The following KCNQ1OT1 variants were observed in gnomAD, a reference collection of about 807,000 sequenced individuals.
The protein encoded by KCNQ1OT1 is KCNQ1 opposite strand/antisense transcript 1.
At chr11:2,680,970 T>G (rs1020415139) in exon 1 of KCNQ1OT1, 2 of 398,488 alleles carry the variant, frequency 5.0e-6, no homozygotes, top group African/African-American at 4.1e-5. Context: ...TTTTCAAGAT[T>G]GCACTGACCA....
exon 1 of KCNQ1OT1, chr11:2,693,325 C>A (rs1352832189): frequency 1.8e-5 from 7 of 398,678 alleles, no homozygotes; most frequent in African/African-American, 6.2e-5. Context: ...GGCCCTCTCT[C>A]CCTGCCCTGA....
At chr11:2,625,785 G>A (rs1258262054) in exon 1 of KCNQ1OT1, 2 of 397,876 alleles carry the variant, frequency 5.0e-6, no homozygotes, top group Non-Finnish European at 8.8e-6. Context: ...TAGCCAGGAT[G>A]GTCTCAATCT....
chr11:2,665,647 C>T (rs1416302445), exon 1 of KCNQ1OT1: 2 of 397,758 alleles, frequency 5.0e-6, no homozygotes, highest in Non-Finnish European at 8.8e-6. Context: ...GCTCTCAAAG[C>T]CCTCAGTACC....
chr11:2,667,282 A>T (rs1050439681), exon 1 of KCNQ1OT1: 11 of 398,468 alleles, frequency 2.8e-5, no homozygotes, highest in Admixed American at 4.4e-5. Flanking sequence ...GGCTGCTGCT[A>T]TGGGGAGAGG....
Position 2,676,399 on chromosome 11 carries a change from A to G in KCNQ1OT1, n.23596T>C, listed in dbSNP as rs1342463569. On this transcript the variant is annotated non_coding_transcript_exon_variant, in exon 1 of 1. Transcript: ENST00000597346. This position sits in a 1 kb window ranked among gnomAD's most constrained non-coding sequence, Gnocchi z 4.2. Reference sequence around the variant, plus strand: ...AGGAGCATAGTCTCTGTGTTCAGCTAGAGATTTAGCCCAATGGGCTGGGCT... The same window carrying G: ...AGGAGCATAGTCTCTGTGTTCAGCTGGAGATTTAGCCCAATGGGCTGGGCT... 19 of 398,540 alleles carry G rather than the reference A, an allele frequency of 4.8e-5. No homozygotes were observed. Among genetic ancestry groups the G allele is most frequent in the Non-Finnish European group, 6.6e-5 (15 of 226,082 alleles). The allele number at this position is 398,540 out of a possible 1,614,324, so 24.7% of individuals were successfully genotyped here.
chr11:2,614,637 T>G, exon 1 of KCNQ1OT1: 1 of 398,526 alleles, frequency 2.5e-6, no homozygotes, highest in Non-Finnish European at 4.4e-6. Flanking sequence ...AAAAGACTAC[T>G]CTTCCCACTG....
Position 2,617,836 on chromosome 11 carries a change from G to A in KCNQ1OT1, n.82159C>T. The A allele has an allele frequency of 5.0e-6, 2 of 398,382 alleles. No homozygotes were observed. Among genetic ancestry groups the A allele is most frequent in the Non-Finnish European group, 8.9e-6 (2 of 225,966 alleles). The allele number at this position is 398,382 out of a possible 1,614,324, so 24.7% of individuals were successfully genotyped here. On this transcript the variant is annotated non_coding_transcript_exon_variant, in exon 1 of 1. Transcript: ENST00000597346. The surrounding 1 kb of genome is among the most constrained non-coding windows in gnomAD (Gnocchi z 4.6). ...TGTTTGCCATTTTTATAACTTCTTT[G>A]CAAAAATGTCTACTCAGTTCCACTG... is the stretch of plus-strand genomic sequence containing the variant.
chr11:2,674,832 TAAAAAAAAAAAAAAAAAA>T lies in KCNQ1OT1; in HGVS notation n.25145_25162del. On this transcript the variant is annotated non_coding_transcript_exon_variant, in exon 1 of 1. Transcript: ENST00000597346. This position sits in a 1 kb window ranked among gnomAD's most constrained non-coding sequence, Gnocchi z 5.9. ...GCTTGTCACCCTAATAGCTGTTTTT[TAAAAAAAAAAAAAAAAAA>T]AAAAAAAAAAGCTCACTGGGCACCT... 1 of 303,392 alleles carries T rather than the reference TAAAAAAAAAAAAAAAAAA, an allele frequency of 3.3e-6. No individual in the cohort carries two copies. Among genetic ancestry groups the T allele is most frequent in the Non-Finnish European group, 5.3e-6 (1 of 188,378 alleles). The allele number at this position is 303,392 out of a possible 1,614,324, so 18.8% of individuals were successfully genotyped here. A position where few individuals can be genotyped will look rare whatever the true frequency, so the allele number is the denominator to read the frequency against.
chr11:2,669,106 T>C lies in KCNQ1OT1; in HGVS notation n.30889A>G. 2.5e-6 allele frequency: 1 copy of C among 398,752 alleles called. No individual in the cohort carries two copies. Among genetic ancestry groups the C allele is most frequent in the South Asian group, 1.3e-4 (1 of 7,864 alleles). 24.7% of individuals were successfully genotyped at this position (398,752 alleles called of 1,614,324 possible). A position where few individuals can be genotyped will look rare whatever the true frequency, so the allele number is the denominator to read the frequency against. On this transcript the variant is annotated non_coding_transcript_exon_variant, in exon 1 of 1. Coordinates refer to ENST00000597346, the Ensembl canonical transcript of KCNQ1OT1. This position sits in a 1 kb window ranked among gnomAD's most constrained non-coding sequence, Gnocchi z 5.6. Reference sequence around the variant, plus strand: ...GTGTCTTTACAATCAGCTCACTGGCTACGTGTGGCTCTGTTTCTGGACCCT... The same window carrying C: ...GTGTCTTTACAATCAGCTCACTGGCCACGTGTGGCTCTGTTTCTGGACCCT...
rs144890578 is a variant in KCNQ1OT1, at chr11:2,656,413, C to T, written n.43582G>A. 4.8e-3 allele frequency: 1,901 copies of T among 398,670 alleles called. 18 individuals are homozygous for T. The highest frequency in any genetic ancestry group is 7.5e-3 in the Middle Eastern group (12 of 1,590). The allele number at this position is 398,670 out of a possible 1,614,324, so 24.7% of individuals were successfully genotyped here. A position where few individuals can be genotyped will look rare whatever the true frequency, so the allele number is the denominator to read the frequency against. On this transcript the variant is annotated non_coding_transcript_exon_variant, in exon 1 of 1. Coordinates refer to ENST00000597346, the Ensembl canonical transcript of KCNQ1OT1. ...ATGTCATGGGCACAGAGCCCTTTCA[C>T]TCTGAGCCCTTCTCCTGGCTGTGAC...
Position 2,625,501 on chromosome 11 carries a change from G to T in KCNQ1OT1, n.74494C>A, listed in dbSNP as rs1202850029. ...TGACTTGTATTTCCTAATGACTAGA[G>T]ATGTTAAACAACTTTTCACGTACTA... On this transcript the variant is annotated non_coding_transcript_exon_variant, in exon 1 of 1. Coordinates refer to ENST00000597346, the Ensembl canonical transcript of KCNQ1OT1. The T allele has an allele frequency of 2.3e-5, 9 of 398,096 alleles. No homozygotes were observed. In the East Asian group the frequency reaches 2.9e-4, roughly 13 times the overall value. The allele number at this position is 398,096 out of a possible 1,614,324, so 24.7% of individuals were successfully genotyped here. A position where few individuals can be genotyped will look rare whatever the true frequency, so the allele number is the denominator to read the frequency against.
In KCNQ1OT1 at chr11:2,669,777, C is replaced by T; in HGVS notation, n.30218G>A. The T allele has an allele frequency of 2.5e-6, 1 of 398,632 alleles. No individual in the cohort carries two copies. The allele number at this position is 398,632 out of a possible 1,614,324, so 24.7% of individuals were successfully genotyped here. On this transcript the variant is annotated non_coding_transcript_exon_variant, in exon 1 of 1. Coordinates refer to ENST00000597346, the Ensembl canonical transcript of KCNQ1OT1. This position sits in a 1 kb window ranked among gnomAD's most constrained non-coding sequence, Gnocchi z 5.6. The stretch of plus-strand genomic sequence containing the variant: ...GAATGTCTCTTTGTGATGGGAGATC[C>T]TGTGGGGACATTCCTTATTTGGCCT...
chr11:2,631,046 A>C (rs1405698400), exon 1 of KCNQ1OT1: 2 of 398,454 alleles, frequency 5.0e-6, no homozygotes, highest in African/African-American at 4.1e-5. Context: ...ATGGCAATAT[A>C]TCTAGGTGAA....
Position 2,690,407 on chromosome 11 carries a change from C to T in KCNQ1OT1, n.9588G>A. The T allele has an allele frequency of 2.5e-6, 1 of 398,680 alleles. No homozygotes were observed. Among genetic ancestry groups the T allele is most frequent in the Non-Finnish European group, 4.4e-6 (1 of 226,116 alleles). The allele number at this position is 398,680 out of a possible 1,614,324, so 24.7% of individuals were successfully genotyped here. ...CCAGACCAAAAGAGCTATCTCTCTCCCTGCGAAAGGCTGGGGTCCTGGGAG... is the reference window on the plus strand; with the variant it reads ...CCAGACCAAAAGAGCTATCTCTCTCTCTGCGAAAGGCTGGGGTCCTGGGAG... On this transcript the variant is annotated non_coding_transcript_exon_variant, in exon 1 of 1. Transcript: ENST00000597346. The surrounding 1 kb of genome is among the most constrained non-coding windows in gnomAD (Gnocchi z 5.1).
exon 1 of KCNQ1OT1, chr11:2,662,228 A>C: frequency 1.9e-6 from 2 of 1,040,170 alleles, no homozygotes; most frequent in Non-Finnish European, 2.8e-6. Context: ...TGGCCCCAAC[A>C]CGGAGGCACC....
chr11:2,634,719 G>C (rs1485393071), exon 1 of KCNQ1OT1: 1 of 152,144 alleles, frequency 6.6e-6, no homozygotes, highest in Non-Finnish European at 1.5e-5. Context: ...TGGATCAAAT[G>C]GTATTTCTAG....
chr11:2,651,387 G>C lies in KCNQ1OT1; in HGVS notation n.48608C>G, dbSNP rs1849754799. The C allele has an allele frequency of 2.5e-6, 1 of 398,738 alleles. No individual in the cohort carries two copies. Among genetic ancestry groups the C allele is most frequent in the Non-Finnish European group, 4.4e-6 (1 of 226,158 alleles). 24.7% of individuals were successfully genotyped at this position (398,738 alleles called of 1,614,324 possible). ...TTTCACTAGTGAGTGCTGCCCCGGT[G>C]GTGGCTCACTTTCCATTCCTTTTGG... On this transcript the variant is annotated non_coding_transcript_exon_variant, in exon 1 of 1. Transcript: ENST00000597346. The surrounding 1 kb of genome is among the most constrained non-coding windows in gnomAD (Gnocchi z 6.1).
Position 2,642,339 on chromosome 11 carries a change from A to G in KCNQ1OT1, n.57656T>C. 2.5e-6 allele frequency: 1 copy of G among 398,124 alleles called. No individual in the cohort carries two copies. The highest frequency in any genetic ancestry group is 4.4e-6 in the Non-Finnish European group (1 of 225,814). The allele number at this position is 398,124 out of a possible 1,614,324, so 24.7% of individuals were successfully genotyped here. On this transcript the variant is annotated non_coding_transcript_exon_variant, in exon 1 of 1. Coordinates refer to ENST00000597346, the Ensembl canonical transcript of KCNQ1OT1. This position sits in a 1 kb window ranked among gnomAD's most constrained non-coding sequence, Gnocchi z 4.3. ...TAGAGGTTTCTCACCTCTTTGGTTA[A>G]ACTCATTCCTAGATTTTTTGTAGTG...
chr11:2,694,613 A>G (rs78874320), exon 1 of KCNQ1OT1: 5,736 of 398,616 alleles, frequency 0.014, 200 homozygotes, highest in East Asian at 0.095. Flanking sequence ...CCTTCGTTCA[A>G]TAAATGAATG....
Sources: allele counts gnomAD v4.1 joint callset, GRCh38; gene constraint gnomAD v4.1.1; non-coding constraint Gnocchi (gnomAD v3.1); transcripts MANE v1.5; gene names NCBI Gene and HGNC (gene_info 2026-07-23, HGNC 2026-07-21).